The following ANO2 variants were observed in gnomAD, a reference collection of about 807,000 sequenced individuals.
The protein encoded by ANO2 is anoctamin-2.
Under a neutral mutation model 124.2 loss-of-function variants are expected in ANO2, and 101 were observed. The observed-to-expected ratio is 0.81, with a 90% CI of 0.69 to 0.96. The LOEUF (loss-of-function observed/expected upper bound fraction) is 0.96. ANO2 is among the 40% of genes least tolerant of loss of function. The pLI is 0.00. For synonymous variants in ANO2, 486 were observed against 482.5 expected (o/e 1.01, Z -0.09); for missense variants, 1,293 against 1,274.5 (o/e 1.01, Z -0.22).
At chr12:5,565,697 A>G (rs774724968) in intron 23 of ANO2, 34 bp from the exon 24 acceptor site, 1 of 1,519,034 alleles carries the variant, frequency 6.6e-7, no homozygotes, top group East Asian at 2.4e-5. Flanking sequence ...TAAGATCAGG[A>G]GCGCATGGAG....
rs1383291876 is a variant in ANO2, at chr12:5,744,199, T to A, written c.1309A>T (p.Asn437Tyr). ...ATAGAGAAGAAGACGGTGGCAGGGT[T>A]GTCAAACAGGTGGCTGGCCTGCGCG... ...GTAQASHLFDNPATVFFSIFM... is the reference protein window; with the variant it reads ...GTAQASHLFDYPATVFFSIFM... The change falls in exon 12 of 25, where the codon AAC becomes TAC. Residue 437 changes from asparagine to tyrosine, a missense_variant. Coordinates refer to ENST00000682330, the MANE Select transcript of ANO2 (RefSeq NM_001364791.2). 6.2e-7 allele frequency: 1 copy of A among 1,613,110 alleles called. No individual in the cohort carries two copies. Among genetic ancestry groups the A allele is most frequent in the Non-Finnish European group, 8.5e-7 (1 of 1,179,872 alleles).
chr12:5,733,109 C>T lies in ANO2; in HGVS notation c.1435-479G>A, dbSNP rs140811636. 6.6e-4 allele frequency: 396 copies of T among 598,440 alleles called. 1 individual carries two copies. The African/African-American group carries it at 6.8e-3, about 10-fold the overall frequency. 37.1% of individuals were successfully genotyped at this position (598,440 alleles called of 1,614,324 possible). On this transcript the variant is annotated intron_variant, in intron 13 of 24. Transcript: ENST00000682330. ...TGAGGGCAACAACAAAACTCCTTCCCTGCTCCATTATTCTCTGAGCTAAAA... is the reference window on the plus strand; with the variant it reads ...TGAGGGCAACAACAAAACTCCTTCCTTGCTCCATTATTCTCTGAGCTAAAA...
chr12:5,571,052 C>T (rs567907372), intron 23 of ANO2, among the ~76,000 whole-genome samples: 6 of 152,210 alleles, frequency 3.9e-5, no homozygotes, highest in East Asian at 1.9e-4. Context: ...TGTCAGGATA[C>T]GGGGTGTGCA....
At chr12:5,906,529 G>A (rs1049227312) in intron 3 of ANO2, among the ~76,000 whole-genome samples, 2 of 152,094 alleles carry the variant, frequency 1.3e-5, no homozygotes, top group Non-Finnish European at 2.9e-5. Context: ...AGGCGCAGTG[G>A]CTCATGCCTG....
chr12:5,921,952 G>A (rs1299419749), intron 2 of ANO2, among the ~76,000 whole-genome samples: 1 of 152,156 alleles, frequency 6.6e-6, no homozygotes, highest in Non-Finnish European at 1.5e-5. Flanking sequence ...CTCACAGGCA[G>A]GTTCTCTGGA....
chr12:5,867,578 C>G (rs940856300), intron 3 of ANO2, among the ~76,000 whole-genome samples: 10 of 152,112 alleles, frequency 6.6e-5, no homozygotes, highest in Non-Finnish European at 1.2e-4. Context: ...TCTGTCCGAC[C>G]TGACATAGAA....
intron 14 of ANO2, among the ~76,000 whole-genome samples, chr12:5,670,352 G>A (rs185096701): frequency 6.6e-6 from 1 of 152,292 alleles, no homozygotes; most frequent in Admixed American, 6.5e-5. Flanking sequence ...ACTGTTCCAT[G>A]CCATGAAGTC....
intron 10 of ANO2, among the ~76,000 whole-genome samples, chr12:5,767,993 G>T (rs1352684693): frequency 1.3e-5 from 2 of 152,228 alleles, no homozygotes; most frequent in African/African-American, 4.8e-5. Context: ...GACTGTAGGG[G>T]GTGCAGCTAC....
chr12:5,944,299 C>T (rs1031245834), intron 1 of ANO2, among the ~76,000 whole-genome samples: 33 of 152,344 alleles, frequency 2.2e-4, no homozygotes, highest in African/African-American at 7.9e-4. Context: ...CTGCCACCTG[C>T]CTTTGGGCTG....
At chr12:5,738,909 A>G (rs1217856815) in intron 13 of ANO2, among the ~76,000 whole-genome samples, 2 of 152,120 alleles carry the variant, frequency 1.3e-5, no homozygotes, top group African/African-American at 2.4e-5. Flanking sequence ...ACAGACATCA[A>G]AGACAACCAG....
rs558015781 is a variant in ANO2, at chr12:5,899,162, C to T, written c.534+21878G>A. Among the ~76,000 whole-genome samples, 23 of 152,314 alleles carry T rather than the reference C, an allele frequency of 1.5e-4. No individual in the cohort carries two copies. In the South Asian group the frequency reaches 3.3e-3, roughly 22 times the overall value. ...CAGTAAACTCATTGATTGAGACAGTCGCCTCTGGGTGATGCTTCCAGCTTA... is the reference window on the plus strand; with the variant it reads ...CAGTAAACTCATTGATTGAGACAGTTGCCTCTGGGTGATGCTTCCAGCTTA... On this transcript the variant is annotated intron_variant, in intron 3 of 24. Transcript: ENST00000682330.
At chr12:5,856,589 G>A (rs1481398280) in intron 3 of ANO2, 1 of 152,236 alleles carries the variant, frequency 6.6e-6, no homozygotes, top group African/African-American at 2.4e-5. Flanking sequence ...CAGCAAGTAG[G>A]TGCTTTTTGC....
At chr12:5,895,266 T>C (rs939103458) in intron 3 of ANO2, among the ~76,000 whole-genome samples, 1 of 152,094 alleles carries the variant, frequency 6.6e-6, no homozygotes, top group Non-Finnish European at 1.5e-5. Flanking sequence ...TGAATGGGAG[T>C]TCACTCATGA....
At chr12:5,907,257 A>G (rs1940763536) in intron 3 of ANO2, among the ~76,000 whole-genome samples, 1 of 152,222 alleles carries the variant, frequency 6.6e-6, no homozygotes, top group African/African-American at 2.4e-5. Flanking sequence ...ATTTCTGATA[A>G]TGATAGAATG....
At chr12:5,701,803 C>T (rs1479626783) in intron 14 of ANO2, among the ~76,000 whole-genome samples, 1 of 152,194 alleles carries the variant, frequency 6.6e-6, no homozygotes, top group Non-Finnish European at 1.5e-5. Flanking sequence ...ACGGTCTCTT[C>T]CTCTTTTTTC....
At chr12:5,702,573 CAAA>C (rs56905348) in intron 14 of ANO2, among the ~76,000 whole-genome samples, 6 of 144,456 alleles carry the variant, frequency 4.2e-5, no homozygotes, top group Non-Finnish European at 7.6e-5. Flanking sequence ...CCAAAAAATG[CAAA>C]AAAAAAAAAA....
At chr12:5,736,214 A>T (rs1180544415) in intron 13 of ANO2, among the ~76,000 whole-genome samples, 1 of 151,952 alleles carries the variant, frequency 6.6e-6, no homozygotes, top group Non-Finnish European at 1.5e-5. Flanking sequence ...TTCCTTCCCC[A>T]CCCTCAGAAG....
chr12:5,783,403 C>G (rs776024818), intron 10 of ANO2, among the ~76,000 whole-genome samples: 3 of 152,182 alleles, frequency 2.0e-5, no homozygotes, highest in Non-Finnish European at 4.4e-5. Flanking sequence ...TGACACAGCC[C>G]TCTTGACTGA....
chr12:5,903,048 AAG>A (rs996221509), intron 3 of ANO2, among the ~76,000 whole-genome samples: 3 of 151,598 alleles, frequency 2.0e-5, no homozygotes, highest in African/African-American at 7.3e-5. Context: ...TAGCTCTTGG[AAG>A]AGCTTTAGAG....
Sources: gnomAD v4.1 joint callset for allele counts (sites outside exome capture counted in the v4.1 genomes callset) on GRCh38, gnomAD v4.1.1 for gene constraint, MANE v1.5 for transcripts, NCBI Gene and HGNC (gene_info 2026-07-23, HGNC 2026-07-21) for gene names.